STAG2: variants seen among roughly 807,000 people sequenced by gnomAD.
The protein encoded by STAG2 is STAG2 cohesin complex component.
Under a neutral mutation model 108.1 loss-of-function variants are expected in STAG2, and 14 were observed. The observed-to-expected ratio is 0.13, with a 90% CI of 0.09 to 0.20. The LOEUF (loss-of-function observed/expected upper bound fraction) is 0.20. Ranked by LOEUF, STAG2 falls within the 10% of genes least tolerant of loss-of-function variation. The pLI is 1.00. For synonymous variants in STAG2, 307 were observed against 302.7 expected (o/e 1.01, Z -0.15); for missense variants, 440 against 940.9 (o/e 0.47, Z 6.96).
intron 15 of STAG2, among the ~76,000 whole-genome samples, chrX:124,060,048 CT>C (rs1482897319): frequency 1.8e-5 from 2 of 111,574 alleles, no homozygotes; most frequent in South Asian, 3.7e-4. Flanking sequence ...GCTTTGACAG[CT>C]TTTTTTTGTA....
rs1398805651 is a variant in STAG2 at position 124,076,466 on chromosome X, A to C, written c.2668A>C (p.Met890Leu). The change falls in exon 26 of 35, where the codon ATG becomes CTG. Residue 890 changes from methionine (M) to leucine (L), a missense_variant. Physicochemically the swap from Met to Leu is conservative, Grantham distance 15 (BLOSUM62 2). Coordinates refer to ENST00000371145, the MANE Select transcript of STAG2 (RefSeq NM_001042750.2). ...NTAADIFKQY[M>L]KYYNDYGDII... ...AGCTGCAGATATCTTCAAACAGTAT[A>C]TGAAGGTAAAGTTGAAAAATGGATA... 1.8e-6 allele frequency: 2 copies of C among 1,142,310 alleles called. No homozygotes were observed. Among genetic ancestry groups the C allele is most frequent in the Non-Finnish European group, 1.2e-6 (1 of 862,121 alleles). The allele number at this position is 1,142,310 out of a possible 1,213,427, so 94.1% of individuals were successfully genotyped here. A position where few individuals can be genotyped will look rare whatever the true frequency, so the allele number is the denominator to read the frequency against.
In STAG2 at chrX:123,964,960, CTTTTTT is replaced by C. The variant is rs33913146; in HGVS notation, c.-163+3117_-163+3122del. Among the ~76,000 whole-genome samples, 176 of 80,123 alleles carry C rather than the reference CTTTTTT, an allele frequency of 2.2e-3. 3 individuals are homozygous for C. The highest frequency in any genetic ancestry group is 0.018 in the Admixed American group (129 of 7,136). 69.6% of individuals were successfully genotyped at this position (80,123 alleles called of 115,157 possible). ...TCCTAAATTCTATTAAGGTAAGTGC[CTTTTTT>C]TTTTTTTTTTTTGGCAGTTCTATAC... is the stretch of plus-strand genomic sequence containing the variant. On this transcript the variant is annotated intron_variant, in intron 1 of 34. Coordinates refer to ENST00000371145, the MANE Select transcript of STAG2 (RefSeq NM_001042750.2).
chrX:124,068,909 C>T (rs901665892), intron 24 of STAG2, among the ~76,000 whole-genome samples: 5 of 111,650 alleles, frequency 4.5e-5, no homozygotes, highest in Admixed American at 3.8e-4. Context: ...CTTTATGACA[C>T]ATGGTAAACA....
chrX:123,978,899 T>C (rs965914681), intron 1 of STAG2, among the ~76,000 whole-genome samples: 4 of 111,882 alleles, frequency 3.6e-5, no homozygotes, highest in African/African-American at 6.5e-5. Flanking sequence ...CCTGTACTTT[T>C]TCTGGGATTT....
intron 8 of STAG2, among the ~76,000 whole-genome samples, chrX:124,045,750 A>T (rs1470662982): frequency 9.0e-6 from 1 of 111,136 alleles, no homozygotes. Context: ...ATTGGATGAT[A>T]GGTATGTATT....
intron 6 of STAG2, among the ~76,000 whole-genome samples, chrX:124,041,888 CAT>C (rs748291087): frequency 1.1e-3 from 127 of 111,944 alleles, no homozygotes; most frequent in Admixed American, 2.5e-3. Flanking sequence ...TAACTTATAA[CAT>C]GTGTGGTTTT....
rs2059511873 is a variant in STAG2, at chrX:124,101,869, G to A, written c.*1272G>A. 6.2e-6 allele frequency: 1 copy of A among 161,805 alleles called. No individual in the cohort carries two copies. The highest frequency in any genetic ancestry group is 3.2e-4 in the South Asian group (1 of 3,127). The allele number at this position is 161,805 out of a possible 1,213,427, so 13.3% of individuals were successfully genotyped here. A position where few individuals can be genotyped will look rare whatever the true frequency, so the allele number is the denominator to read the frequency against. ...ACAGAAAGTGGCTACTTGCCATTTT[G>A]ACATCAACTCATTTTGCGAGGCTTA... On this transcript the variant is annotated 3_prime_UTR_variant, in exon 35 of 35. Coordinates refer to ENST00000371145, the MANE Select transcript of STAG2 (RefSeq NM_001042750.2).
At chrX:124,098,543 T>A (rs778639981) in intron 34 of STAG2, among the ~76,000 whole-genome samples, 1 of 111,735 alleles carries the variant, frequency 8.9e-6, no homozygotes, top group East Asian at 2.8e-4. Flanking sequence ...CGGAGTCATC[T>A]AAACAGTAGC....
At chrX:124,072,141 A>G (rs2058678961) in intron 25 of STAG2, among the ~76,000 whole-genome samples, 1 of 111,321 alleles carries the variant, frequency 9.0e-6, no homozygotes, top group Non-Finnish European at 1.9e-5. Flanking sequence ...CCTCCTGAGT[A>G]GCTAGGACTA....
At chrX:123,990,172 T>A (rs1243415921) in intron 1 of STAG2, among the ~76,000 whole-genome samples, 1 of 111,646 alleles carries the variant, frequency 9.0e-6, no homozygotes, top group Non-Finnish European at 1.9e-5. Context: ...GGTTACAGGA[T>A]CTTCTGGGGT....
At chrX:123,989,594 T>C (rs1021226767) in intron 1 of STAG2, among the ~76,000 whole-genome samples, 3 of 109,113 alleles carry the variant, frequency 2.7e-5, no homozygotes, top group African/African-American at 1.0e-4. Flanking sequence ...ATAATTATTT[T>C]CTTTTTTTCT....
rs1370307045 is a variant in STAG2, at chrX:124,102,635, A to G, written c.*2038A>G. On this transcript the variant is annotated 3_prime_UTR_variant, in exon 35 of 35. Coordinates refer to ENST00000371145, the MANE Select transcript of STAG2 (RefSeq NM_001042750.2). ...TACCATCAGTTTATATTTTTAATAA[A>G]TCATATGTATTTACAATGAAACCAA... is the stretch of plus-strand genomic sequence containing the variant. 7.3e-6 allele frequency: 1 copy of G among 137,770 alleles called. No individual in the cohort carries two copies. The highest frequency in any genetic ancestry group is 1.2e-4 in the East Asian group (1 of 8,154). 11.4% of individuals were successfully genotyped at this position (137,770 alleles called of 1,213,427 possible). A position where few individuals can be genotyped will look rare whatever the true frequency, so the allele number is the denominator to read the frequency against.
At chrX:124,051,874 G>A (rs2058054811) in intron 13 of STAG2, among the ~76,000 whole-genome samples, 1 of 112,586 alleles carries the variant, frequency 8.9e-6, no homozygotes, top group Admixed American at 9.4e-5. Flanking sequence ...ACAGGCGTGA[G>A]CCACTGCGCC....
chrX:123,988,569 ATACTT>A (rs1276006385), intron 1 of STAG2, among the ~76,000 whole-genome samples: 6 of 111,776 alleles, frequency 5.4e-5, no homozygotes, highest in African/African-American at 1.9e-4. Flanking sequence ...AGCAAAGCAA[ATACTT>A]TACTGCTCTC....
intron 30 of STAG2, among the ~76,000 whole-genome samples, chrX:124,087,318 A>T (rs899754198): frequency 1.8e-5 from 2 of 112,131 alleles, no homozygotes; most frequent in African/African-American, 6.5e-5. Context: ...AGTTGGTTCA[A>T]AATGGGCCTG....
At chrX:123,980,488 A>G (rs943652408) in intron 1 of STAG2, among the ~76,000 whole-genome samples, 1 of 112,162 alleles carries the variant, frequency 8.9e-6, no homozygotes, top group South Asian at 3.7e-4. Flanking sequence ...TTTAAATTGT[A>G]TACAGTATAA....
chrX:123,970,707 T>C (rs931088029), intron 1 of STAG2, among the ~76,000 whole-genome samples: 2 of 112,013 alleles, frequency 1.8e-5, no homozygotes, highest in African/African-American at 6.5e-5. Flanking sequence ...AGAAGGAATA[T>C]TGTGGGAGCA....
intron 1 of STAG2, among the ~76,000 whole-genome samples, chrX:123,966,894 A>AT: frequency 9.0e-6 from 1 of 111,342 alleles, no homozygotes; most frequent in Non-Finnish European, 1.9e-5. Flanking sequence ...AGATTTATTT[A>AT]TTTTTTGAGA....
intron 13 of STAG2, among the ~76,000 whole-genome samples, chrX:124,051,789 A>G (rs980703041): frequency 1.8e-5 from 2 of 110,547 alleles, no homozygotes; most frequent in Non-Finnish European, 3.8e-5. Context: ...ACGGGGTTTC[A>G]CTGTGTTAGC....
Sources: gnomAD v4.1 joint callset for allele counts (sites outside exome capture counted in the v4.1 genomes callset) on GRCh38, gnomAD v4.1.1 for gene constraint, MANE v1.5 for transcripts, NCBI Gene and HGNC (gene_info 2026-07-23, HGNC 2026-07-21) for gene names.